DDX10: variants seen among roughly 807,000 people sequenced by gnomAD.
The protein encoded by DDX10 is DEAD-box helicase 10.
DDX10 carries 74 observed loss-of-function variants against 104.3 expected under a neutral mutation model. The observed-to-expected ratio is 0.71, with a 90% CI of 0.59 to 0.86. DDX10 has a LOEUF of 0.86. DDX10 is among the 40% of genes least tolerant of loss of function. The probability of loss-of-function intolerance (pLI) is 0.00; values close to 1 mark genes in which losing one functional copy is unlikely to be tolerated. For missense variants in DDX10, 952 were observed against 1,040.0 expected (o/e 0.92, Z 1.16); for synonymous variants, 351 against 353.4 (o/e 0.99, Z 0.08).
intron 2 of DDX10, among the ~76,000 whole-genome samples, chr11:108,675,088 TTGTGTGTGTGTGTGTG>T (rs142204234): frequency 4.1e-5 from 6 of 146,882 alleles, no homozygotes; most frequent in Admixed American, 2.0e-4. Context: ...CATATTCCAT[TTGTGTGTGTGTGTGTG>T]TGTGTGTGTG....
intron 13 of DDX10, among the ~76,000 whole-genome samples, chr11:108,778,878 A>G (rs939982163): frequency 2.0e-5 from 3 of 152,212 alleles, no homozygotes; most frequent in Non-Finnish European, 2.9e-5. Flanking sequence ...TGGGCAAAGG[A>G]TATGAACAGA....
At chr11:108,712,368 TCTTA>T (rs1375837301) in intron 10 of DDX10, among the ~76,000 whole-genome samples, 1 of 152,214 alleles carries the variant, frequency 6.6e-6, no homozygotes, top group Non-Finnish European at 1.5e-5. Context: ...CCCCTGTTAT[TCTTA>T]CTTTTGTCTC....
Position 108,673,492 on chromosome 11 carries a change from T to A in DDX10, c.212T>A (p.Phe71Tyr), listed in dbSNP as rs1187420411. The A allele has an allele frequency of 1.9e-6, 3 of 1,597,754 alleles. No individual in the cohort carries two copies. The highest frequency in any genetic ancestry group is 2.7e-5 in the African/African-American group (2 of 74,518). The change falls in exon 2 of 18, where the codon TTT becomes TAT. Residue 71 changes from phenylalanine (F) to tyrosine (Y), a missense_variant. Phe to Tyr is a conservative substitution (Grantham distance 22). Transcript: ENST00000322536. ...ATAAATGTAAATGAAATCACAAGATTTTCAGATTTTCCCTTGTCCAAAAAA... is the reference window on the plus strand; with the variant it reads ...ATAAATGTAAATGAAATCACAAGATATTCAGATTTTCCCTTGTCCAAAAAA... ...EKINVNEITR[F>Y]SDFPLSKKTL... is the part of the protein sequence containing the mutation.
chr11:108,693,195 C>G (rs1397530026), intron 8 of DDX10, among the ~76,000 whole-genome samples: 1 of 152,138 alleles, frequency 6.6e-6, no homozygotes, highest in African/African-American at 2.4e-5. Flanking sequence ...TTGTCCATGT[C>G]CCCATTAGAA....
At chr11:108,910,766 T>C (rs962873818) in intron 16 of DDX10, among the ~76,000 whole-genome samples, 2 of 140,654 alleles carry the variant, frequency 1.4e-5, no homozygotes, top group African/African-American at 2.8e-5. Flanking sequence ...TGTGTGTGTG[T>C]GTGTGTGTGT....
At position 108,892,431 on chromosome 11, in the gene DDX10, C is replaced by G. The variant is rs371698143; in HGVS notation, c.2305-25442C>G. Among the ~76,000 whole-genome samples, 11 of 152,242 alleles carry G rather than the reference C, an allele frequency of 7.2e-5. No homozygotes were observed. In the East Asian group the frequency reaches 2.1e-3, roughly 29 times the overall value. ...AAACCATTTTTCTTTAGAAGTTACC[C>G]AGTCTGAACTATTCCTTTATAGCAT... On this transcript the variant is annotated intron_variant, in intron 16 of 17. Coordinates refer to ENST00000322536, the MANE Select transcript of DDX10 (RefSeq NM_004398.4).
chr11:108,788,472 C>G (rs1489708329), intron 13 of DDX10, among the ~76,000 whole-genome samples: 1 of 152,114 alleles, frequency 6.6e-6, no homozygotes, highest in East Asian at 1.9e-4. Flanking sequence ...AAGCATTTCT[C>G]CTGCCTCAGC....
At chr11:108,674,998 G>T (rs773517092) in intron 2 of DDX10, among the ~76,000 whole-genome samples, 5 of 151,578 alleles carry the variant, frequency 3.3e-5, no homozygotes, top group African/African-American at 7.3e-5. Flanking sequence ...GCTGTGCCTG[G>T]TTTATTTCAG....
At chr11:108,672,776 G>A (rs187697410) in intron 1 of DDX10, among the ~76,000 whole-genome samples, 134 of 152,348 alleles carry the variant, frequency 8.8e-4, no homozygotes, top group Admixed American at 2.7e-3. Flanking sequence ...CTCCTGAGCA[G>A]CTGAAATGAA....
chr11:108,812,017 A>C (rs2134568916), intron 13 of DDX10, among the ~76,000 whole-genome samples: 1 of 152,172 alleles, frequency 6.6e-6, no homozygotes, highest in Admixed American at 6.5e-5. Flanking sequence ...TGTTCACTTG[A>C]ATTTTTTTTA....
intron 13 of DDX10, among the ~76,000 whole-genome samples, chr11:108,726,441 A>G (rs1412512520): frequency 6.6e-6 from 1 of 152,080 alleles, no homozygotes; most frequent in Non-Finnish European, 1.5e-5. Flanking sequence ...ATCTCTTACT[A>G]TTTGATATTT....
chr11:108,863,433 C>T (rs1455759762), intron 16 of DDX10, among the ~76,000 whole-genome samples: 1 of 152,146 alleles, frequency 6.6e-6, no homozygotes, highest in Non-Finnish European at 1.5e-5. Flanking sequence ...TTTTACCTAT[C>T]TTGATTTTCA....
intron 13 of DDX10, among the ~76,000 whole-genome samples, chr11:108,817,093 G>A (rs1398796995): frequency 6.6e-6 from 1 of 152,104 alleles, no homozygotes; most frequent in African/African-American, 2.4e-5. Flanking sequence ...TTAGCCTATG[G>A]CAAAATTGGT....
At chr11:108,882,336 G>A (rs190218188) in intron 16 of DDX10, among the ~76,000 whole-genome samples, 2 of 152,244 alleles carry the variant, frequency 1.3e-5, no homozygotes, top group Non-Finnish European at 2.9e-5. Context: ...GATAACTCTC[G>A]ACGCCAGGGC....
chr11:108,776,543 G>A (rs533058594), intron 13 of DDX10, among the ~76,000 whole-genome samples: 8 of 152,198 alleles, frequency 5.3e-5, no homozygotes, highest in African/African-American at 1.2e-4. Context: ...TTCCAAGAAC[G>A]GCCCCTCGAG....
intron 9 of DDX10, among the ~76,000 whole-genome samples, chr11:108,698,641 C>A (rs1268320776): frequency 6.6e-6 from 1 of 152,138 alleles, no homozygotes; most frequent in Non-Finnish European, 1.5e-5. Flanking sequence ...CCCAGGCACC[C>A]CTTAGGAATA....
At chr11:108,745,708 A>C (rs1415915236) in intron 13 of DDX10, among the ~76,000 whole-genome samples, 3 of 152,208 alleles carry the variant, frequency 2.0e-5, no homozygotes, top group Non-Finnish European at 4.4e-5. Context: ...AATTCTCTGA[A>C]GTCTTAAATA....
At chr11:108,759,662 C>A (rs960146682) in intron 13 of DDX10, among the ~76,000 whole-genome samples, 1 of 151,954 alleles carries the variant, frequency 6.6e-6, no homozygotes, top group Non-Finnish European at 1.5e-5. Flanking sequence ...AGACTCTGAA[C>A]TTGACAAATG....
chr11:108,737,146 A>G (rs1428482361), intron 13 of DDX10, among the ~76,000 whole-genome samples: 1 of 152,222 alleles, frequency 6.6e-6, no homozygotes, highest in Non-Finnish European at 1.5e-5. Flanking sequence ...TTTCATCCCT[A>G]GTATCAAAAT....
Sources: gnomAD v4.1 joint callset for allele counts (sites outside exome capture counted in the v4.1 genomes callset) on GRCh38, gnomAD v4.1.1 for gene constraint, MANE v1.5 for transcripts, NCBI Gene and HGNC (gene_info 2026-07-23, HGNC 2026-07-21) for gene names.